SGCZ: variants seen among roughly 807,000 people sequenced by gnomAD.
SGCZ encodes the protein sarcoglycan zeta.
A neutral mutation model predicts 41.3 loss-of-function variants in SGCZ; 40 were observed. The observed-to-expected ratio is 0.97, with a 90% CI of 0.75 to 1.26. SGCZ has a LOEUF of 1.26. Ranked by LOEUF, SGCZ falls within the 50% of genes most tolerant of loss-of-function variation. SGCZ has a pLI of 0.00. For synonymous variants in SGCZ, 206 were observed against 137.5 expected (o/e 1.50, Z -3.49); for missense variants, 552 against 369.8 (o/e 1.49, Z -4.04).
At chr8:15,034,921 C>G (rs1057267453) in intron 1 of SGCZ, among the ~76,000 whole-genome samples, 1 of 152,104 alleles carries the variant, frequency 6.6e-6, no homozygotes. Context: ...TGAAGTAATT[C>G]AGTACCATCG....
At chr8:14,125,265 A>T (rs1217572347) in intron 5 of SGCZ, among the ~76,000 whole-genome samples, 1 of 148,010 alleles carries the variant, frequency 6.8e-6, no homozygotes, top group East Asian at 1.9e-4. Context: ...GTGGTTCACA[A>T]GGTCGAGGTG....
intron 1 of SGCZ, among the ~76,000 whole-genome samples, chr8:15,201,153 A>C (rs1800876330): frequency 6.6e-6 from 1 of 152,142 alleles, no homozygotes; most frequent in Non-Finnish European, 1.5e-5. Flanking sequence ...AGCAGCTGGG[A>C]CTACAGGCCT....
chr8:14,975,827 A>T (rs1384981606), intron 1 of SGCZ, among the ~76,000 whole-genome samples: 1 of 142,452 alleles, frequency 7.0e-6, no homozygotes, highest in Non-Finnish European at 1.5e-5. Flanking sequence ...GTGTGTGTAG[A>T]AATAGTTATG....
intron 2 of SGCZ, among the ~76,000 whole-genome samples, chr8:14,492,757 A>G (rs535159712): frequency 6.6e-6 from 1 of 152,286 alleles, no homozygotes; most frequent in Admixed American, 6.5e-5. Context: ...GTGATACTTT[A>G]AGCAACCTGG....
At chr8:14,263,480 C>T (rs1451901101) in intron 3 of SGCZ, among the ~76,000 whole-genome samples, 5 of 151,952 alleles carry the variant, frequency 3.3e-5, no homozygotes, top group Admixed American at 1.3e-4. Flanking sequence ...ACCCAGGAGG[C>T]GGATGTTGCA....
intron 1 of SGCZ, among the ~76,000 whole-genome samples, chr8:15,025,909 C>T (rs896521875): frequency 6.6e-6 from 1 of 152,218 alleles, no homozygotes; most frequent in African/African-American, 2.4e-5. Context: ...GCTAGCCTTA[C>T]ATTCCTGTAG....
intron 1 of SGCZ, among the ~76,000 whole-genome samples, chr8:14,989,342 C>T (rs184922892): frequency 9.2e-5 from 14 of 152,046 alleles, no homozygotes; most frequent in African/African-American, 2.4e-4. Flanking sequence ...ATTCATTAGC[C>T]GAGCGTGGTG....
At chr8:14,301,209 G>T (rs919901295) in intron 3 of SGCZ, among the ~76,000 whole-genome samples, 1 of 151,802 alleles carries the variant, frequency 6.6e-6, no homozygotes, top group Non-Finnish European at 1.5e-5. Context: ...TGAGATTTAC[G>T]TATCTGATTC....
chr8:14,184,329 C>G (rs918356264), intron 4 of SGCZ, among the ~76,000 whole-genome samples: 13 of 152,102 alleles, frequency 8.5e-5, no homozygotes, highest in Non-Finnish European at 1.3e-4. Context: ...ATGGCCTGGA[C>G]ATAAATTAGA....
At chr8:14,887,354 A>C (rs1212382713) in intron 1 of SGCZ, among the ~76,000 whole-genome samples, 1 of 152,212 alleles carries the variant, frequency 6.6e-6, no homozygotes, top group Non-Finnish European at 1.5e-5. Context: ...ATTCATACAT[A>C]TAAATTATTT....
intron 1 of SGCZ, among the ~76,000 whole-genome samples, chr8:14,759,359 T>C (rs1799787135): frequency 6.6e-6 from 1 of 151,998 alleles, no homozygotes; most frequent in Admixed American, 6.6e-5. Context: ...AAAAAAAATG[T>C]TATTTTTTGG....
chr8:14,333,087 T>A (rs1424448065), intron 2 of SGCZ, among the ~76,000 whole-genome samples: 1 of 152,084 alleles, frequency 6.6e-6, no homozygotes, highest in African/African-American at 2.4e-5. Flanking sequence ...GGAATCACTG[T>A]CAGCAAAAAT....
chr8:15,225,481 T>C (rs137955925), intron 1 of SGCZ, among the ~76,000 whole-genome samples: 1 of 152,244 alleles, frequency 6.6e-6, no homozygotes, highest in African/African-American at 2.4e-5. Context: ...TATGGTACCG[T>C]GTTTGAGTGT....
intron 1 of SGCZ, among the ~76,000 whole-genome samples, chr8:15,072,453 G>C (rs868321364): frequency 1.3e-5 from 2 of 152,096 alleles, no homozygotes; most frequent in African/African-American, 2.4e-5. Flanking sequence ...AGTGGTTAAA[G>C]CATTTTTTCT....
At chr8:14,649,139 G>C (rs1056136862) in intron 1 of SGCZ, among the ~76,000 whole-genome samples, 2 of 152,084 alleles carry the variant, frequency 1.3e-5, no homozygotes, top group Non-Finnish European at 2.9e-5. Flanking sequence ...TTTCCAAAGA[G>C]GATATTAGAA....
chr8:15,114,684 GC>G (rs1563133833), intron 1 of SGCZ, among the ~76,000 whole-genome samples: 1 of 151,798 alleles, frequency 6.6e-6, no homozygotes, highest in African/African-American at 2.4e-5. Flanking sequence ...TCAGATCTGA[GC>G]TAAAAGTTTA....
chr8:14,159,000 C>T (rs935702644), intron 5 of SGCZ, among the ~76,000 whole-genome samples: 3 of 152,136 alleles, frequency 2.0e-5, no homozygotes, highest in Non-Finnish European at 4.4e-5. Context: ...AACTTCTGAC[C>T]TCAAATGATC....
chr8:14,785,664 T>G (rs1800746787), intron 1 of SGCZ, among the ~76,000 whole-genome samples: 1 of 152,216 alleles, frequency 6.6e-6, no homozygotes, highest in Non-Finnish European at 1.5e-5. Context: ...TTTAAAGATT[T>G]GAGTTTAATT....
chr8:14,400,078 G>C (rs79765748), intron 2 of SGCZ, among the ~76,000 whole-genome samples: 1 of 151,562 alleles, frequency 6.6e-6, no homozygotes, highest in Admixed American at 6.6e-5. Flanking sequence ...CTATATATTT[G>C]CTTATTCTGA....
Sources: allele counts gnomAD v4.1 joint callset (sites outside exome capture counted in the v4.1 genomes callset), GRCh38; gene constraint gnomAD v4.1.1; transcripts MANE v1.5; gene names NCBI Gene and HGNC (gene_info 2026-07-23, HGNC 2026-07-21).